The following STX6 variants were observed in gnomAD, a reference collection of about 807,000 sequenced individuals.
STX6 encodes the protein syntaxin 6.
A neutral mutation model predicts 38.0 loss-of-function variants in STX6; 23 were observed. The observed-to-expected ratio is 0.60, with a 90% CI of 0.43 to 0.86. The LOEUF is 0.86. STX6 is among the 40% of genes least tolerant of loss of function. The pLI, the probability that STX6 is intolerant of heterozygous loss-of-function variation, is 0.00. For synonymous variants in STX6, 123 were observed against 107.5 expected, an observed-to-expected ratio of 1.14 and a Z score of -0.89; for missense variants, 274 against 312.9, an observed-to-expected ratio of 0.88 and a Z score of 0.94.
intron 2 of STX6, among the ~76,000 whole-genome samples, chr1:181,003,473 T>C (rs1472223110): frequency 1.3e-5 from 2 of 152,204 alleles, no homozygotes; most frequent in Non-Finnish European, 2.9e-5. Context: ...CCTTCCCTCC[T>C]TTCTCAAGGG....
chr1:180,990,964 C>T (rs1168354681), intron 4 of STX6, among the ~76,000 whole-genome samples: 1 of 152,208 alleles, frequency 6.6e-6, no homozygotes, highest in Non-Finnish European at 1.5e-5. Flanking sequence ...TAACTGCTCA[C>T]ACCAGCCCCG....
chr1:180,999,423 G>A (rs1656014279), intron 3 of STX6, among the ~76,000 whole-genome samples: 1 of 152,100 alleles, frequency 6.6e-6, no homozygotes. Context: ...TGATGTATAG[G>A]TGACTCCACA....
chr1:181,002,470 T>C lies in STX6; in HGVS notation c.300+136A>G, dbSNP rs540495753. 376 of 571,506 alleles carry C rather than the reference T, an allele frequency of 6.6e-4. 1 individual carries two copies. The highest frequency in any genetic ancestry group is 2.4e-3 in the Middle Eastern group (5 of 2,042). The allele number at this position is 571,506 out of a possible 1,614,324, so 35.4% of individuals were successfully genotyped here. On this transcript the variant is annotated intron_variant, in intron 3 of 7. Coordinates refer to ENST00000258301, the MANE Select transcript of STX6 (RefSeq NM_005819.6). ...TGCGCAGCCAATCAGAGAAATTATA[T>C]ATGGGGAAGCTCACATTTAATTCAT...
chr1:181,014,083 G>A (rs1383887615), intron 1 of STX6, among the ~76,000 whole-genome samples: 1 of 152,194 alleles, frequency 6.6e-6, no homozygotes, highest in Non-Finnish European at 1.5e-5. Context: ...TTTGATAAAA[G>A]AATGCCAGCT....
Position 181,013,696 on chromosome 1 carries a change from C to T in STX6, c.36-8233G>A, listed in dbSNP as rs544993350. ...CCAAAATTTAGTGGTGTAAAACAAC[C>T]ATTTATCATGTCATGGAGTCTGTAG... On this transcript the variant is annotated intron_variant, in intron 1 of 7. Coordinates refer to ENST00000258301, the MANE Select transcript of STX6 (RefSeq NM_005819.6). Among the ~76,000 whole-genome samples the T allele has an allele frequency of 3.3e-5, 5 of 152,290 alleles. No homozygotes were observed. The East Asian group carries it at 9.6e-4, about 29-fold the overall frequency.
intron 6 of STX6, 151 bp from the exon 7 acceptor site, chr1:180,984,922 G>C (rs975138286): frequency 6.8e-5 from 32 of 473,968 alleles, no homozygotes; most frequent in African/African-American, 5.5e-4. Flanking sequence ...AAATCCTTGG[G>C]ACAAGATAGG....
At chr1:180,986,708 C>T (rs1257181581) in intron 6 of STX6, among the ~76,000 whole-genome samples, 3 of 152,174 alleles carry the variant, frequency 2.0e-5, no homozygotes, top group Non-Finnish European at 2.9e-5. Flanking sequence ...CCACCATGCC[C>T]AGCGGTTTCA....
rs375690125 is a variant in STX6 at position 181,002,703 on chromosome 1, A to G, written c.206-3T>C. 8 of 1,604,050 alleles carry G rather than the reference A, an allele frequency of 5.0e-6. No individual in the cohort carries two copies. The African/African-American group carries it at 1.1e-4, about 21-fold the overall frequency. ...TCTAGGATTTGCTTCAACTATGCGT[A>G]GGTCAAAAAGTCAAGGTAAAACAAT... On this transcript the variant is annotated splice_region_variant and splice_polypyrimidine_tract_variant and intron_variant, in intron 2 of 7. Transcript: ENST00000258301.
rs1012202583 is a variant in STX6 at position 180,974,500 on chromosome 1, G to A, written c.*2070C>T. On this transcript the variant is annotated 3_prime_UTR_variant, in exon 8 of 8. Coordinates refer to ENST00000258301, the MANE Select transcript of STX6 (RefSeq NM_005819.6). ...ATTAATGACTAGGTTTGTTCCAAACGGCCCCTGCTGACACACATGATCCTT... is the reference window on the plus strand; with the variant it reads ...ATTAATGACTAGGTTTGTTCCAAACAGCCCCTGCTGACACACATGATCCTT... 1.3e-5 allele frequency: 2 copies of A among 152,602 alleles called. No individual in the cohort carries two copies. Among genetic ancestry groups the A allele is most frequent in the Non-Finnish European group, 2.9e-5 (2 of 68,046 alleles). 9.5% of individuals were successfully genotyped at this position (152,602 alleles called of 1,614,324 possible). A position where few individuals can be genotyped will look rare whatever the true frequency, so the allele number is the denominator to read the frequency against.
At chr1:181,002,069 C>T (rs532176135) in intron 3 of STX6, among the ~76,000 whole-genome samples, 1 of 152,170 alleles carries the variant, frequency 6.6e-6, no homozygotes, top group East Asian at 1.9e-4. Flanking sequence ...ATTTGGGAGG[C>T]AGAGGTTGTA....
In STX6 at chr1:180,988,275, G is replaced by GAC; in HGVS notation, c.558_559dup (p.Ser187CysfsTer33). 6.2e-7 allele frequency: 1 copy of GAC among 1,613,986 alleles called. No homozygotes were observed. The highest frequency in any genetic ancestry group is 8.5e-7 in the Non-Finnish European group (1 of 1,179,946). On this transcript the variant is annotated frameshift_variant, in exon 6 of 8. Transcript: ENST00000258301. LOFTEE classifies it high-confidence loss of function. Reference sequence around the variant, plus strand: ...CTCCAGCTCCCCTCCGATGCGCTGGGACATGTTCTTCAGCACCCCGATGCT... The same window carrying GAC: ...CTCCAGCTCCCCTCCGATGCGCTGGGACACATGTTCTTCAGCACCCCGATGCT...
At chr1:181,018,614 A>C (rs1351398413) in intron 1 of STX6, among the ~76,000 whole-genome samples, 1 of 152,016 alleles carries the variant, frequency 6.6e-6, no homozygotes. Flanking sequence ...CTTCATAAGG[A>C]TAAAAGAGCA....
intron 1 of STX6, among the ~76,000 whole-genome samples, chr1:181,009,249 T>C (rs544280902): frequency 3.3e-5 from 5 of 152,150 alleles, no homozygotes; most frequent in African/African-American, 1.2e-4. Flanking sequence ...GGTGGATCAC[T>C]TGAGGTCAGG....
At chr1:181,004,287 T>C (rs1230841717) in intron 2 of STX6, among the ~76,000 whole-genome samples, 1 of 152,212 alleles carries the variant, frequency 6.6e-6, no homozygotes, top group East Asian at 1.9e-4. Flanking sequence ...CCTTGGAATC[T>C]CCAGATGAGT....
rs926187032 is a variant in STX6 at position 180,972,817 on chromosome 1, C to A, written c.*3753G>T. 1.1e-5 allele frequency: 3 copies of A among 270,586 alleles called. No homozygotes were observed. Among genetic ancestry groups the A allele is most frequent in the African/African-American group, 6.8e-5 (3 of 44,346 alleles). 16.8% of individuals were successfully genotyped at this position (270,586 alleles called of 1,614,324 possible). On this transcript the variant is annotated 3_prime_UTR_variant, in exon 8 of 8. Coordinates refer to ENST00000258301, the MANE Select transcript of STX6 (RefSeq NM_005819.6). ...TATCTCTAAGCTGAGTTACTCTGAT[C>A]GGAGCTACTGAAAGGTACCTGCTTT...
At chr1:181,002,454 A>AATCAGAGAAATTAT in intron 3 of STX6, 152 bp downstream of exon 3, 1 of 533,256 alleles carries the variant, frequency 1.9e-6, no homozygotes, top group Non-Finnish European at 3.3e-6. Flanking sequence ...ATGCGCAGCC[A>AATCAGAGAAATTAT]ATCAGAGAAA....
At position 180,972,874 on chromosome 1, in the gene STX6, T is replaced by C. The variant is rs925518648; in HGVS notation, c.*3696A>G. 16 of 189,684 alleles carry C rather than the reference T, an allele frequency of 8.4e-5. No individual in the cohort carries two copies. The highest frequency in any genetic ancestry group is 3.0e-4 in the African/African-American group (12 of 39,604). 11.8% of individuals were successfully genotyped at this position (189,684 alleles called of 1,614,324 possible). A position where few individuals can be genotyped will look rare whatever the true frequency, so the allele number is the denominator to read the frequency against. ...ATTCTGGTTTGGTTTTATTTTTTAATCAAAAAAAAAAAAAGGAGAGAAAGA... is the reference window on the plus strand; with the variant it reads ...ATTCTGGTTTGGTTTTATTTTTTAACCAAAAAAAAAAAAAGGAGAGAAAGA... On this transcript the variant is annotated 3_prime_UTR_variant, in exon 8 of 8. Coordinates refer to ENST00000258301, the MANE Select transcript of STX6 (RefSeq NM_005819.6).
intron 1 of STX6, among the ~76,000 whole-genome samples, chr1:181,010,895 G>C (rs1017888673): frequency 6.6e-6 from 1 of 152,196 alleles, no homozygotes; most frequent in South Asian, 2.1e-4. Context: ...CATGCTTTCA[G>C]AACTACAATG....
chr1:180,983,727 A>T (rs565469620), intron 7 of STX6, among the ~76,000 whole-genome samples: 1 of 152,324 alleles, frequency 6.6e-6, no homozygotes, highest in East Asian at 1.9e-4. Flanking sequence ...AGGAAATCTT[A>T]AAAAACCAGT....
Sources: gnomAD v4.1 joint callset for allele counts (sites outside exome capture counted in the v4.1 genomes callset) on GRCh38, gnomAD v4.1.1 for gene constraint, MANE v1.5 for transcripts, NCBI Gene and HGNC (gene_info 2026-07-23, HGNC 2026-07-21) for gene names.